CRB2: variants seen among roughly 807,000 people sequenced by gnomAD.
CRB2 encodes protein crumbs homolog 2.
CRB2 carries 85 observed loss-of-function variants against 110.9 expected under a neutral mutation model. The ratio of observed to expected loss-of-function variants is 0.77; its 90% CI spans 0.64 to 0.92. The LOEUF (loss-of-function observed/expected upper bound fraction) is 0.92. Ranked by LOEUF, CRB2 falls within the 40% of genes least tolerant of loss-of-function variation. The probability of loss-of-function intolerance (pLI) is 0.00; values close to 1 mark genes in which losing one functional copy is unlikely to be tolerated. For missense variants in CRB2, 1,843 were observed against 1,851.3 expected, an observed-to-expected ratio of 1.00 and a Z score of 0.08; for synonymous variants, 907 against 831.0, an observed-to-expected ratio of 1.09 and a Z score of -1.57.
chr9:123,355,848 G>A (rs1362316250), upstream of CRB2, among the ~76,000 whole-genome samples: 2 of 152,004 alleles, frequency 1.3e-5, no homozygotes, highest in African/African-American at 2.4e-5. Flanking sequence ...TGGGGAGGGG[G>A]ATCCAGGAGA....
At chr9:123,368,900 G>C (rs2041976026) in intron 6 of CRB2, 1 of 1,268,748 alleles carries the variant, frequency 7.9e-7, no homozygotes, top group African/African-American at 1.5e-5. Flanking sequence ...TGGCAATGGA[G>C]CCGGGGGCTC....
intron 1 of CRB2, among the ~76,000 whole-genome samples, chr9:123,357,503 C>A (rs575990368): frequency 1.3e-5 from 2 of 152,196 alleles, no homozygotes; most frequent in African/African-American, 4.8e-5. Flanking sequence ...CTCTATGGGG[C>A]CCTAGGGAGG....
upstream of CRB2, among the ~76,000 whole-genome samples, chr9:123,354,396 GC>G (rs1170733687): frequency 6.6e-6 from 1 of 152,250 alleles, no homozygotes; most frequent in African/African-American, 2.4e-5. Context: ...GCTCCCCCCA[GC>G]CCCCCATTGG....
At chr9:123,359,451 T>TTTTTTTTTTTTTTTTG (rs2041841573) in intron 1 of CRB2, among the ~76,000 whole-genome samples, 1 of 134,300 alleles carries the variant, frequency 7.4e-6, no homozygotes. Context: ...GTTTTTTTTT[T>TTTTTTTTTTTTTTTTG]TTTTTTTTTT....
In CRB2 at chr9:123,376,719, C is replaced by T. The variant is rs182010996; in HGVS notation, c.3634-119C>T. ...TGGGTCTTCACTGCTCCCAGGGCAGCCTGCTCCCAGCTCTGATTTTCTCTG... is the reference window on the plus strand; with the variant it reads ...TGGGTCTTCACTGCTCCCAGGGCAGTCTGCTCCCAGCTCTGATTTTCTCTG... On this transcript the variant is annotated intron_variant, in intron 12 of 12. Transcript: ENST00000373631. The T allele has an allele frequency of 1.0e-4, 101 of 991,440 alleles. No individual in the cohort carries two copies. In the African/African-American group the frequency reaches 1.1e-3, roughly 11 times the overall value. 61.4% of individuals were successfully genotyped at this position (991,440 alleles called of 1,614,324 possible). A position where few individuals can be genotyped will look rare whatever the true frequency, so the allele number is the denominator to read the frequency against.
chr9:123,368,819 G>A, intron 6 of CRB2: 2 of 1,226,358 alleles, frequency 1.6e-6, no homozygotes, highest in South Asian at 1.4e-5. Context: ...GGGCCAGGCA[G>A]GGAGCTCTGC....
intron 11 of CRB2, 29 bp from the exon 12 acceptor site, chr9:123,375,188 C>T (rs2042084297): frequency 1.9e-6 from 3 of 1,610,680 alleles, no homozygotes; most frequent in Admixed American, 3.3e-5. Flanking sequence ...ATGGGGGAAG[C>T]CGCTTTCTCA....
rs752462106 is a variant in CRB2 at position 123,373,817 on chromosome 9, G to T, written c.3286G>T (p.Asp1096Tyr). The T allele has an allele frequency of 1.9e-6, 3 of 1,583,860 alleles. No individual in the cohort carries two copies. The highest frequency in any genetic ancestry group is 1.7e-6 in the Non-Finnish European group (2 of 1,172,774). The change falls in exon 10 of 13, where the codon GAC becomes TAC. Residue 1096 changes from aspartate to tyrosine, a missense_variant. By Grantham distance (160) the Asp-to-Tyr change is radical. Coordinates refer to ENST00000373631, the MANE Select transcript of CRB2 (RefSeq NM_173689.7). ...AGGCCCGCGCTGCGAAGCCCACGTC[G>T]ACCCCTGTCACTCCGCCCCCTGCGC... Reference protein sequence around the residue: ...WEGPRCEAHVDPCHSAPCARG... With the variant: ...WEGPRCEAHVYPCHSAPCARG...
In CRB2 at chr9:123,367,433, CCCCCACCCCCCCA is replaced by C. The variant is rs2041951642; in HGVS notation, c.940+83_940+95del. The C allele has an allele frequency of 2.5e-5, 23 of 909,238 alleles. No homozygotes were observed. The South Asian group carries it at 3.3e-4, about 13-fold the overall frequency. The allele number at this position is 909,238 out of a possible 1,614,324, so 56.3% of individuals were successfully genotyped here. ...GGATCTTGTGCCCACCCCCCCACCC[CCCCCACCCCCCCA>C]CCCCACACCCCACACCCGAGTCTGC... On this transcript the variant is annotated intron_variant, in intron 5 of 12. Transcript: ENST00000373631.
rs779319640 is a variant in CRB2 at position 123,363,003 on chromosome 9, A to G, written c.233A>G (p.His78Arg). The G allele has an allele frequency of 1.2e-6, 2 of 1,612,356 alleles. No individual in the cohort carries two copies. Among genetic ancestry groups the G allele is most frequent in the Non-Finnish European group, 1.7e-6 (2 of 1,179,828 alleles). ...PRGCATQPCH[H>R]GALCVPQGPD... Reference sequence around the variant, plus strand: ...GGCTGTGCCACCCAGCCATGCCACCACGGCGCTCTGTGTGTGCCCCAGGGT... The same window carrying G: ...GGCTGTGCCACCCAGCCATGCCACCGCGGCGCTCTGTGTGTGCCCCAGGGT... The change falls in exon 2 of 13, where the codon CAC (histidine) becomes CGC (arginine). Residue 78 changes from histidine to arginine, a missense_variant. Physicochemically the swap from His to Arg is conservative, Grantham distance 29 (BLOSUM62 0). Coordinates refer to ENST00000373631, the MANE Select transcript of CRB2 (RefSeq NM_173689.7).
At chr9:123,354,620 G>A (rs544825949), upstream of CRB2, among the ~76,000 whole-genome samples, 91 of 152,366 alleles carry the variant, frequency 6.0e-4, no homozygotes, top group Non-Finnish European at 1.2e-3. Flanking sequence ...GTGGCATGGA[G>A]AGGGGCTTCT....
chr9:123,360,730 T>C (rs2491353), intron 1 of CRB2, among the ~76,000 whole-genome samples: 98,253 of 152,024 alleles, frequency 0.65, 32,836 homozygotes, highest in African/African-American at 0.83. Flanking sequence ...CAGCCTCCCT[T>C]GGGCTGTGGA....
chr9:123,376,080 C>T (rs192364464), intron 12 of CRB2, among the ~76,000 whole-genome samples: 289 of 146,396 alleles, frequency 2.0e-3, no homozygotes, highest in African/African-American at 6.6e-3. Context: ...ACCCAGCCAC[C>T]TCCCCAGGGC....
intron 12 of CRB2, among the ~76,000 whole-genome samples, chr9:123,376,144 CT>C (rs1049965850): frequency 3.9e-5 from 6 of 152,212 alleles, no homozygotes; most frequent in Non-Finnish European, 8.8e-5. Context: ...ACGGTGGAGG[CT>C]GGCAGGACCC....
Position 123,371,400 on chromosome 9 carries a change from C to T in CRB2, c.2258C>T (p.Ala753Val). The T allele has an allele frequency of 6.2e-7, 1 of 1,608,844 alleles. No homozygotes were observed. Residue 753 changes from alanine (A) to valine (V), a missense_variant, in exon 8 of 13, where the codon GCT becomes GTT. Physicochemically the swap from Ala to Val is moderately conservative, Grantham distance 64 (BLOSUM62 0). Coordinates refer to ENST00000373631, the MANE Select transcript of CRB2 (RefSeq NM_173689.7). ...GTGCACGTGGGTGGGAGGCTCCTTGCTGCCGACAGCCAGCCCTGGGGTGGG... is the reference window on the plus strand; with the variant it reads ...GTGCACGTGGGTGGGAGGCTCCTTGTTGCCGACAGCCAGCCCTGGGGTGGG... ...QHVHVGGRLL[A>V]ADSQPWGGPF...
chr9:123,367,517 C>A, intron 5 of CRB2, 56 bp from the exon 6 acceptor site: 1 of 1,457,668 alleles, frequency 6.9e-7, no homozygotes, highest in Non-Finnish European at 9.3e-7. Context: ...TGGACCCTCT[C>A]AGCCCCTGCC....
intron 1 of CRB2, among the ~76,000 whole-genome samples, chr9:123,359,398 G>A (rs2041834540): frequency 1.4e-5 from 2 of 138,468 alleles, no homozygotes; most frequent in Admixed American, 1.4e-4. Flanking sequence ...AGCTTCCCCA[G>A]TAAATGCTTC....
chr9:123,367,623 A>C lies in CRB2; in HGVS notation c.991A>C (p.Asn331His). Residue 331 changes from asparagine (N) to histidine (H), a missense_variant, in exon 6 of 13, where the codon AAC (asparagine) becomes CAC (histidine). Physicochemically the swap from Asn to His is moderately conservative, Grantham distance 68 (BLOSUM62 1). Transcript: ENST00000373631. ...VDECASRPCLNGGHCQDLPNG... is the reference protein window; with the variant it reads ...VDECASRPCLHGGHCQDLPNG... ...CGAGTGTGCCTCACGGCCATGCCTC[A>C]ACGGAGGCCACTGCCAGGACCTGCC... 2 of 1,570,854 alleles carry C rather than the reference A, an allele frequency of 1.3e-6. No homozygotes were observed. The highest frequency in any genetic ancestry group is 1.7e-6 in the Non-Finnish European group (2 of 1,158,770).
intron 1 of CRB2, among the ~76,000 whole-genome samples, chr9:123,358,377 C>G (rs2041823874): frequency 6.6e-6 from 1 of 152,214 alleles, no homozygotes; most frequent in African/African-American, 2.4e-5. Flanking sequence ...CCCAAACACC[C>G]AGGGAGCCCA....
Sources: allele counts gnomAD v4.1 joint callset (sites outside exome capture counted in the v4.1 genomes callset), GRCh38; gene constraint gnomAD v4.1.1; transcripts MANE v1.5; gene names NCBI Gene and HGNC (gene_info 2026-07-23, HGNC 2026-07-21).